Variants in ACACA observed in about 807,000 individuals in gnomAD.
ACACA encodes the protein acetyl-CoA carboxylase 1.
A neutral mutation model predicts 296.1 loss-of-function variants in ACACA; 103 were observed. That is an observed-to-expected ratio of 0.35 (90% CI 0.30 to 0.41). The LOEUF (loss-of-function observed/expected upper bound fraction) is 0.41, where lower values mean the gene tolerates loss of function less well. Ranked by LOEUF, ACACA falls within the 10% of genes least tolerant of loss-of-function variation. ACACA has a pLI of 1.00. For synonymous variants in ACACA, 953 were observed against 1,038.6 expected (o/e 0.92, Z 1.58); for missense variants, 1,554 against 2,989.7 (o/e 0.52, Z 11.20).
At chr17:37,143,143 T>C (rs2075665237) in intron 45 of ACACA, among the ~76,000 whole-genome samples, 1 of 151,516 alleles carries the variant, frequency 6.6e-6, no homozygotes, top group Non-Finnish European at 1.5e-5. Flanking sequence ...CACAACTAAG[T>C]AGGTGGTAGA....
chr17:37,395,474 T>G (rs2051048771), intron 1 of ACACA, among the ~76,000 whole-genome samples: 1 of 152,112 alleles, frequency 6.6e-6, no homozygotes, highest in South Asian at 2.1e-4. Context: ...GCTAATATAT[T>G]ACTACTACAT....
intron 17 of ACACA, 57 bp from the exon 18 acceptor site, chr17:37,248,213 A>C: frequency 6.3e-7 from 1 of 1,597,854 alleles, no homozygotes; most frequent in Non-Finnish European, 8.6e-7. Context: ...CTCCAAATGA[A>C]ATTTGAATGC....
chr17:37,266,615 T>C (rs2081792522), intron 10 of ACACA, among the ~76,000 whole-genome samples: 1 of 152,314 alleles, frequency 6.6e-6, no homozygotes, highest in East Asian at 1.9e-4. Context: ...GCAAATCTTT[T>C]GCCAGCTGGA....
chr17:37,394,413 G>C (rs1396770208), intron 1 of ACACA, among the ~76,000 whole-genome samples: 1 of 151,618 alleles, frequency 6.6e-6, no homozygotes, highest in Non-Finnish European at 1.5e-5. Flanking sequence ...GTTTCACAAT[G>C]TTGGTCAGGC....
intron 1 of ACACA, 76 bp from the exon 2 acceptor site, chr17:37,339,926 A>G (rs1355388591): frequency 2.6e-6 from 2 of 775,138 alleles, no homozygotes; most frequent in Non-Finnish European, 2.2e-6. Flanking sequence ...TTTGCTCAGC[A>G]TAATACAAAG....
chr17:37,092,953 A>G lies in ACACA; in HGVS notation c.6892-3879T>C, dbSNP rs151299637. ...TTTTTTCCAAGGGCTTTAGAGTACA[A>G]TAGCCAAAGGACATGTGGGCTAGGG... On this transcript the variant is annotated intron_variant, in intron 54 of 55. Transcript: ENST00000616317. Among the ~76,000 whole-genome samples, 83 of 152,324 alleles carry G rather than the reference A, an allele frequency of 5.4e-4. 2 individuals are homozygous for G. Among genetic ancestry groups the G allele is most frequent in the Middle Eastern group, 3.4e-3 (1 of 294 alleles).
In ACACA at chr17:37,155,791, C is replaced by A. The variant is rs78829386; in HGVS notation, c.5350-11G>T. On this transcript the variant is annotated splice_polypyrimidine_tract_variant and intron_variant, in intron 42 of 55. Coordinates refer to ENST00000616317, the MANE Select transcript of ACACA (RefSeq NM_198834.3). ...TAAATACCTGTATCCCTGTGAAGCA[C>A]AAATAGTTTTTAACTCATTATTTGC... The A allele has an allele frequency of 1.3e-6, 2 of 1,548,904 alleles. No individual in the cohort carries two copies. Among genetic ancestry groups the A allele is most frequent in the Non-Finnish European group, 1.8e-6 (2 of 1,124,034 alleles).
intron 41 of ACACA, among the ~76,000 whole-genome samples, chr17:37,166,800 A>T (rs1325591791): frequency 1.3e-5 from 2 of 152,246 alleles, no homozygotes; most frequent in African/African-American, 4.8e-5. Flanking sequence ...TGTGAGCAAC[A>T]CCATGTTAAA....
intron 47 of ACACA, among the ~76,000 whole-genome samples, chr17:37,128,024 CAAAAAAAAAAAAA>C (rs1173864454): frequency 7.5e-5 from 3 of 39,742 alleles, no homozygotes; most frequent in African/African-American, 1.0e-4. Context: ...AACTCCATCT[CAAAAAAAAAAAAA>C]AAAAAAAAAA....
chr17:37,133,835 C>G (rs1181768969), intron 45 of ACACA, among the ~76,000 whole-genome samples: 1 of 152,202 alleles, frequency 6.6e-6, no homozygotes, highest in Non-Finnish European at 1.5e-5. Context: ...GCCTCACTTT[C>G]TTGCCCTCCA....
chr17:37,149,802 A>T, intron 45 of ACACA, 62 bp downstream of exon 45: 1 of 1,425,704 alleles, frequency 7.0e-7, no homozygotes, highest in Non-Finnish European at 9.9e-7. Flanking sequence ...ATCTTGAATT[A>T]AGAATTCACA....
At chr17:37,250,306 TTG>T (rs1346066230) in intron 16 of ACACA, among the ~76,000 whole-genome samples, 6 of 152,316 alleles carry the variant, frequency 3.9e-5, no homozygotes, top group African/African-American at 1.4e-4. Flanking sequence ...TTTGTGCCTT[TTG>T]AATTTTGAAC....
intron 45 of ACACA, among the ~76,000 whole-genome samples, chr17:37,142,814 T>C (rs2075648588): frequency 6.6e-6 from 1 of 152,266 alleles, no homozygotes; most frequent in African/African-American, 2.4e-5. Flanking sequence ...GATACATCTA[T>C]TGGGAAAGTC....
In ACACA at chr17:37,134,168, C is replaced by T. The variant is rs146792803; in HGVS notation, c.5680-3950G>A. On this transcript the variant is annotated intron_variant, in intron 45 of 55. Coordinates refer to ENST00000616317, the MANE Select transcript of ACACA (RefSeq NM_198834.3). ...AAATGAATGCAGTCATACGTCCATGCTCAGGCCTCTGCTGCTGCTGCTGCT... is the reference window on the plus strand; with the variant it reads ...AAATGAATGCAGTCATACGTCCATGTTCAGGCCTCTGCTGCTGCTGCTGCT... 9.8e-5 allele frequency among the ~76,000 whole-genome samples: 15 copies of T among 152,320 alleles called. No homozygotes were observed. In the East Asian group the frequency reaches 2.9e-3, roughly 29 times the overall value.
chr17:37,323,210 T>C (rs891839661), intron 3 of ACACA, among the ~76,000 whole-genome samples: 1 of 152,272 alleles, frequency 6.6e-6, no homozygotes, highest in African/African-American at 2.4e-5. Flanking sequence ...CCTTAGGGGT[T>C]TGAGCAGTGG....
At position 37,406,715 on chromosome 17, in the gene ACACA, T is replaced by C. The variant is rs1294241361; in HGVS notation, c.-416A>G. 1.8e-5 allele frequency: 4 copies of C among 228,248 alleles called. No homozygotes were observed. The highest frequency in any genetic ancestry group is 2.6e-5 in the Non-Finnish European group (3 of 114,660). The allele number at this position is 228,248 out of a possible 1,614,324, so 14.1% of individuals were successfully genotyped here. ...TCAGGCAAGCGGCTCAGCCCCATCC[T>C]CCCAGTCCTCGGGCACGGGGACAGC... On this transcript the variant is annotated 5_prime_UTR_variant, in exon 1 of 56. Transcript: ENST00000616317.
intron 45 of ACACA, among the ~76,000 whole-genome samples, chr17:37,148,242 A>C (rs567261360): frequency 5.9e-5 from 9 of 151,928 alleles, no homozygotes; most frequent in Non-Finnish European, 1.3e-4. Flanking sequence ...AAAAAAAAAA[A>C]AACAACAACC....
chr17:37,174,089 G>A (rs2077016717), intron 41 of ACACA, among the ~76,000 whole-genome samples: 1 of 129,100 alleles, frequency 7.7e-6, no homozygotes, highest in Non-Finnish European at 1.6e-5. Context: ...TCAAACTCCT[G>A]GCGTCAAGTG....
intron 48 of ACACA, among the ~76,000 whole-genome samples, chr17:37,124,510 G>C (rs1271820159): frequency 6.6e-6 from 1 of 152,174 alleles, no homozygotes; most frequent in Non-Finnish European, 1.5e-5. Context: ...CAAAAAAGTT[G>C]GTCTTAGTGT....
Sources: allele counts gnomAD v4.1 joint callset (sites outside exome capture counted in the v4.1 genomes callset), GRCh38; gene constraint gnomAD v4.1.1; transcripts MANE v1.5; gene names NCBI Gene and HGNC (gene_info 2026-07-23, HGNC 2026-07-21).